Variants in STXBP5L observed in about 807,000 individuals in gnomAD.
STXBP5L encodes the protein syntaxin-binding protein 5-like.
In STXBP5L, 65 loss-of-function variants were observed where a neutral mutation model predicts 144.5. The ratio of observed to expected loss-of-function variants is 0.45; its 90% CI spans 0.37 to 0.55. STXBP5L has a LOEUF of 0.55. Ranked by LOEUF, STXBP5L falls within the 20% of genes least tolerant of loss-of-function variation. The pLI, the probability that STXBP5L is intolerant of heterozygous loss-of-function variation, is 0.00. For missense variants in STXBP5L, 1,298 were observed against 1,405.5 expected (o/e 0.92, Z 1.22); for synonymous variants, 505 against 469.6 (o/e 1.08, Z -0.97).
intron 22 of STXBP5L, among the ~76,000 whole-genome samples, chr3:121,394,611 T>G (rs1310265002): frequency 6.9e-6 from 1 of 145,906 alleles, no homozygotes; most frequent in Non-Finnish European, 1.5e-5. Context: ...GGTTTTTTTT[T>G]TTTTTTTTTT....
intron 9 of STXBP5L, among the ~76,000 whole-genome samples, chr3:121,168,104 G>T (rs918553801): frequency 1.3e-5 from 2 of 152,118 alleles, no homozygotes; most frequent in South Asian, 2.1e-4. Context: ...ACTCTTAGAA[G>T]GAAAACTGAC....
chr3:121,205,531 A>T (rs1333434158), intron 9 of STXBP5L, among the ~76,000 whole-genome samples: 3 of 152,242 alleles, frequency 2.0e-5, no homozygotes, highest in Non-Finnish European at 2.9e-5. Flanking sequence ...TGGGGGACAC[A>T]TTCAAACCAT....
chr3:121,012,222 A>C (rs1193627071), intron 3 of STXBP5L, among the ~76,000 whole-genome samples: 3 of 151,836 alleles, frequency 2.0e-5, no homozygotes, highest in Non-Finnish European at 4.4e-5. Context: ...GTTGATGGAT[A>C]CTTGGATTGC....
intron 7 of STXBP5L, among the ~76,000 whole-genome samples, chr3:121,128,009 C>T (rs2044791579): frequency 6.6e-6 from 1 of 151,944 alleles, no homozygotes; most frequent in Non-Finnish European, 1.5e-5. Context: ...CTCAGCACAG[C>T]CTAACACAGA....
intron 21 of STXBP5L, among the ~76,000 whole-genome samples, chr3:121,380,105 C>G (rs1320198517): frequency 6.6e-6 from 1 of 152,096 alleles, no homozygotes; most frequent in Non-Finnish European, 1.5e-5. Flanking sequence ...GCCACCACAA[C>G]CAGCCAGAAG....
At chr3:121,055,336 TA>T (rs1483344960) in intron 5 of STXBP5L, among the ~76,000 whole-genome samples, 1 of 152,138 alleles carries the variant, frequency 6.6e-6, no homozygotes, top group African/African-American at 2.4e-5. Context: ...TTTAATTCTG[TA>T]AATTTTCTAA....
At chr3:121,200,975 G>A (rs907810467) in intron 9 of STXBP5L, among the ~76,000 whole-genome samples, 6 of 152,210 alleles carry the variant, frequency 3.9e-5, no homozygotes, top group African/African-American at 1.4e-4. Flanking sequence ...TTGTGGTGGA[G>A]AGTTCTGCAG....
chr3:120,984,673 G>T (rs1210144955), intron 3 of STXBP5L, among the ~76,000 whole-genome samples: 1 of 103,330 alleles, frequency 9.7e-6, no homozygotes, highest in Non-Finnish European at 1.7e-5. Context: ...GCTCTGGCTA[G>T]AACTTCTAGT....
intron 5 of STXBP5L, among the ~76,000 whole-genome samples, chr3:121,085,164 G>A (rs551773668): frequency 5.5e-4 from 84 of 152,124 alleles, no homozygotes; most frequent in Middle Eastern, 3.4e-3. Flanking sequence ...CATTCTGTAG[G>A]TTTTCTGTTC....
intron 19 of STXBP5L, among the ~76,000 whole-genome samples, chr3:121,288,591 G>A (rs1254518813): frequency 1.3e-5 from 2 of 152,068 alleles, no homozygotes; most frequent in Admixed American, 6.6e-5. Flanking sequence ...TCTAATGATT[G>A]GAGGTGTTGA....
chr3:121,271,564 A>G (rs953706283), intron 18 of STXBP5L, among the ~76,000 whole-genome samples: 3 of 152,240 alleles, frequency 2.0e-5, no homozygotes, highest in African/African-American at 7.2e-5. Context: ...AGAAAAAACA[A>G]ACATTGAACA....
intron 10 of STXBP5L, among the ~76,000 whole-genome samples, chr3:121,220,900 C>T (rs568053575): frequency 5.5e-4 from 83 of 152,050 alleles, no homozygotes; most frequent in Middle Eastern, 3.4e-3. Flanking sequence ...GTGAGGATTA[C>T]ACAAAATTTA....
At chr3:120,978,818 C>T (rs964752741) in intron 3 of STXBP5L, among the ~76,000 whole-genome samples, 4 of 152,200 alleles carry the variant, frequency 2.6e-5, no homozygotes, top group African/African-American at 9.7e-5. Context: ...ACTCCAGACC[C>T]TGTTTGCCTC....
intron 3 of STXBP5L, among the ~76,000 whole-genome samples, chr3:121,005,672 T>G (rs1197180968): frequency 6.6e-6 from 1 of 152,212 alleles, no homozygotes; most frequent in Non-Finnish European, 1.5e-5. Context: ...CTTTCCTGCT[T>G]TCTCTTGTGG....
At chr3:121,233,504 G>T in intron 11 of STXBP5L, 112 bp from the exon 12 acceptor site, 3 of 660,058 alleles carry the variant, frequency 4.5e-6, no homozygotes, top group Non-Finnish European at 7.0e-6. Flanking sequence ...TTATAGTTTG[G>T]TCTTCTCACA....
In STXBP5L at chr3:121,041,688, T is replaced by C. The variant is rs780737792; in HGVS notation, c.288-12T>C. On this transcript the variant is annotated splice_polypyrimidine_tract_variant and intron_variant, in intron 3 of 26. Coordinates refer to ENST00000471454, the MANE Select transcript of STXBP5L (RefSeq NM_001308330.2). ...ATTAAAATGTTAGAATCCTTGACTT[T>C]TATTATATTAGACTCGGGAGACCTG... is the stretch of plus-strand genomic sequence containing the variant. 6.2e-6 allele frequency: 10 copies of C among 1,604,990 alleles called. No individual in the cohort carries two copies. Among genetic ancestry groups the C allele is most frequent in the Non-Finnish European group, 5.1e-6 (6 of 1,172,384 alleles).
chr3:121,316,341 A>G (rs2043788174), intron 19 of STXBP5L, among the ~76,000 whole-genome samples: 1 of 152,230 alleles, frequency 6.6e-6, no homozygotes, highest in Admixed American at 6.5e-5. Flanking sequence ...ATCAATAGAC[A>G]GTACAGAAAT....
chr3:121,350,668 T>G (rs1254671310), intron 20 of STXBP5L, among the ~76,000 whole-genome samples: 1 of 152,160 alleles, frequency 6.6e-6, no homozygotes, highest in African/African-American at 2.4e-5. Flanking sequence ...CTTTTTATTC[T>G]TTTTTTCGTT....
chr3:121,254,876 G>T lies in STXBP5L; in HGVS notation c.1442-19G>T. On this transcript the variant is annotated intron_variant, in intron 15 of 26. Transcript: ENST00000471454. ...ATTAAGTTTAAATTAGAAGATAACTGTGCTTCGATGTCTTATAGTAACTCT... is the reference window on the plus strand; with the variant it reads ...ATTAAGTTTAAATTAGAAGATAACTTTGCTTCGATGTCTTATAGTAACTCT... 1 of 1,560,662 alleles carries T rather than the reference G, an allele frequency of 6.4e-7. No individual in the cohort carries two copies. The highest frequency in any genetic ancestry group is 8.7e-7 in the Non-Finnish European group (1 of 1,152,656).
Sources: gnomAD v4.1 joint callset for allele counts (sites outside exome capture counted in the v4.1 genomes callset) on GRCh38, gnomAD v4.1.1 for gene constraint, MANE v1.5 for transcripts, NCBI Gene and HGNC (gene_info 2026-07-23, HGNC 2026-07-21) for gene names.